TTF1: variants seen among roughly 807,000 people sequenced by gnomAD.
TTF1 encodes the protein transcription termination factor 1, also known as transcription termination factor, RNA polymerase I.
A neutral mutation model predicts 80.2 loss-of-function variants in TTF1; 64 were observed. The ratio of observed to expected loss-of-function variants is 0.80; its 90% CI spans 0.65 to 0.98. TTF1 has a LOEUF of 0.98. TTF1 is among the 50% of genes least tolerant of loss of function. The pLI, the probability that TTF1 is intolerant of heterozygous loss-of-function variation, is 0.00. For missense variants in TTF1, 1,023 were observed against 1,086.2 expected (o/e 0.94, Z 0.82); for synonymous variants, 372 against 382.7 (o/e 0.97, Z 0.33).
chr9:132,388,717 G>A (rs1180690760), intron 7 of TTF1, among the ~76,000 whole-genome samples: 1 of 152,176 alleles, frequency 6.6e-6, no homozygotes, highest in Non-Finnish European at 1.5e-5. Flanking sequence ...CATCAAATAA[G>A]ACAAATTTAG....
At chr9:132,380,001 CTCT>C (rs963886360) in intron 9 of TTF1, among the ~76,000 whole-genome samples, 1 of 152,034 alleles carries the variant, frequency 6.6e-6, no homozygotes, top group African/African-American at 2.4e-5. Context: ...TTCTTCCGAC[CTCT>C]TCATCACAGC....
At chr9:132,406,170 C>T (rs1343034149) in intron 1 of TTF1, among the ~76,000 whole-genome samples, 1 of 152,166 alleles carries the variant, frequency 6.6e-6, no homozygotes, top group African/African-American at 2.4e-5. Context: ...TCTGCAGGTA[C>T]GTGCCCAAAC....
At chr9:132,380,761 T>C (rs1849358130) in intron 9 of TTF1, among the ~76,000 whole-genome samples, 1 of 152,230 alleles carries the variant, frequency 6.6e-6, no homozygotes, top group Admixed American at 6.5e-5. Flanking sequence ...ATTTTGTTAT[T>C]AAAACTTTGA....
At chr9:132,406,510 G>A (rs1246312398) in intron 1 of TTF1, among the ~76,000 whole-genome samples, 1 of 151,918 alleles carries the variant, frequency 6.6e-6, no homozygotes, top group African/African-American at 2.4e-5. Flanking sequence ...GCTGAGGCAG[G>A]AGAATCGCTT....
chr9:132,401,034 T>C (rs1012720344), intron 2 of TTF1, among the ~76,000 whole-genome samples: 5 of 152,208 alleles, frequency 3.3e-5, no homozygotes, highest in African/African-American at 1.2e-4. Context: ...TGCCATTTAA[T>C]ATGTATGTGC....
At position 132,402,084 on chromosome 9, in the gene TTF1, G is replaced by A. The variant is rs996290144; in HGVS notation, c.738C>T (p.Ala246=). ...GCTGGGATTCCTGCATATCAGTCCC[G>A]GCCTCTCTGCCTGCTTGCGATCCTT... ...MPEGSQAGRE[A]GTDMQESQPT... The change falls in exon 2 of 11, where the codon GCC becomes GCT. Residue 246 remains alanine (A), a synonymous_variant. Transcript: ENST00000334270. The A allele has an allele frequency of 1.2e-5, 20 of 1,613,272 alleles. No individual in the cohort carries two copies. Among genetic ancestry groups the A allele is most frequent in the Middle Eastern group, 1.6e-4 (1 of 6,080 alleles).
At chr9:132,399,901 G>T in intron 3 of TTF1, 134 bp downstream of exon 3, 1 of 937,374 alleles carries the variant, frequency 1.1e-6, no homozygotes, top group Non-Finnish European at 1.6e-6. Context: ...GGACAATTCT[G>T]GTAGGAGATA....
At chr9:132,399,572 A>C (rs1218078101) in intron 3 of TTF1, among the ~76,000 whole-genome samples, 1 of 152,154 alleles carries the variant, frequency 6.6e-6, no homozygotes, top group African/African-American at 2.4e-5. Flanking sequence ...AATAATAATA[A>C]TTCTTAATAA....
At chr9:132,399,349 T>C (rs897102975) in intron 3 of TTF1, among the ~76,000 whole-genome samples, 1 of 152,150 alleles carries the variant, frequency 6.6e-6, no homozygotes, top group African/African-American at 2.4e-5. Context: ...TTGTCTTGTC[T>C]ATTTTTCTGA....
At chr9:132,377,407 G>GGTGT (rs560606691) in intron 10 of TTF1, among the ~76,000 whole-genome samples, 1 of 123,190 alleles carries the variant, frequency 8.1e-6, no homozygotes, top group Admixed American at 8.0e-5. Flanking sequence ...GAGTGCATGT[G>GGTGT]GTGTGTGTGA....
At chr9:132,396,297 C>T in intron 5 of TTF1, 136 bp downstream of exon 5, 1 of 872,558 alleles carries the variant, frequency 1.1e-6, no homozygotes, top group Non-Finnish European at 1.8e-6. Context: ...CATTTGACAA[C>T]AAATACACCA....
chr9:132,388,250 C>A, intron 7 of TTF1, 22 bp from the exon 8 acceptor site: 1 of 1,539,624 alleles, frequency 6.5e-7, no homozygotes, highest in Non-Finnish European at 8.9e-7. Flanking sequence ...GGAAGAAAAA[C>A]ATAGTTTACT....
intron 9 of TTF1, among the ~76,000 whole-genome samples, chr9:132,382,973 G>A (rs1849394941): frequency 6.6e-6 from 1 of 151,852 alleles, no homozygotes; most frequent in African/African-American, 2.4e-5. Flanking sequence ...GCTGAGACAG[G>A]AGAACTGCTT....
rs751478212 is a variant in TTF1 at position 132,386,587 on chromosome 9, T to C, written c.2347A>G (p.Ile783Val). 1 of 1,612,978 alleles carries C rather than the reference T, an allele frequency of 6.2e-7. No homozygotes were observed. The highest frequency in any genetic ancestry group is 8.5e-7 in the Non-Finnish European group (1 of 1,179,010). The change falls in exon 9 of 11, where the codon ATA (isoleucine) becomes GTA (valine). Residue 783 changes from isoleucine (I) to valine (V), a missense_variant. Ile to Val is a conservative substitution (Grantham distance 29). Coordinates refer to ENST00000334270, the MANE Select transcript of TTF1 (RefSeq NM_007344.4). ...GCACTAGCAAGATCTTCCCAGTCTATTTCATTAGTATCTTCCACATTTATT... is the reference window on the plus strand; with the variant it reads ...GCACTAGCAAGATCTTCCCAGTCTACTTCATTAGTATCTTCCACATTTATT... ...YEINVEDTNE[I>V]DWEDLASAIG... is the part of the protein sequence containing the mutation.
At chr9:132,381,281 C>G (rs1389657064) in intron 9 of TTF1, among the ~76,000 whole-genome samples, 2 of 151,790 alleles carry the variant, frequency 1.3e-5, no homozygotes, top group Admixed American at 6.6e-5. Flanking sequence ...GCAACCTCCT[C>G]CTCCTGGGTT....
At chr9:132,393,276 C>CT (rs972439936) in intron 5 of TTF1, among the ~76,000 whole-genome samples, 13 of 151,950 alleles carry the variant, frequency 8.6e-5, no homozygotes, top group Admixed American at 2.6e-4. Flanking sequence ...CAAGCCCCCC[C>CT]CGCAAACTGG....
intron 1 of TTF1, among the ~76,000 whole-genome samples, chr9:132,405,353 G>A (rs1051313456): frequency 9.8e-5 from 15 of 152,294 alleles, no homozygotes; most frequent in African/African-American, 3.6e-4. Flanking sequence ...GATTACAGGC[G>A]CAAGCCACCA....
chr9:132,381,044 T>C (rs1028644852), intron 9 of TTF1, among the ~76,000 whole-genome samples: 5 of 152,202 alleles, frequency 3.3e-5, no homozygotes, highest in Non-Finnish European at 7.3e-5. Context: ...CCAGAGTAGC[T>C]GGGACAACAG....
In TTF1 at chr9:132,398,140, C is replaced by T. The variant is rs769080576; in HGVS notation, c.1777+1G>A. On this transcript the variant is annotated splice_donor_variant, in intron 4 of 10. Coordinates refer to ENST00000334270, the MANE Select transcript of TTF1 (RefSeq NM_007344.4). LOFTEE classifies it high-confidence loss of function. ...CAAAGGGTGATTGTTTCTAAACTTA[C>T]CAATGTGTAATCTAAACGAGTATCT... 1.3e-6 allele frequency: 2 copies of T among 1,573,774 alleles called. No homozygotes were observed. The highest frequency in any genetic ancestry group is 2.1e-5 in the Admixed American group (1 of 48,076).
Sources: allele counts gnomAD v4.1 joint callset (sites outside exome capture counted in the v4.1 genomes callset), GRCh38; gene constraint gnomAD v4.1.1; transcripts MANE v1.5; gene names NCBI Gene and HGNC (gene_info 2026-07-23, HGNC 2026-07-21).